Variants in SLC31A1 observed in about 807,000 individuals in gnomAD.
The protein encoded by SLC31A1 is solute carrier family 31 member 1.
Under a neutral mutation model 17.2 loss-of-function variants are expected in SLC31A1, and 5 were observed. The observed-to-expected ratio is 0.29, with a 90% CI of 0.15 to 0.61. SLC31A1 has a LOEUF of 0.61. SLC31A1 is among the 20% of genes least tolerant of loss of function. SLC31A1 has a pLI of 0.86. For synonymous variants in SLC31A1, 76 were observed against 78.8 expected (o/e 0.96, Z 0.19); for missense variants, 161 against 241.4 (o/e 0.67, Z 2.21).
In SLC31A1 at chr9:113,223,231, T is replaced by C. The variant is rs983849576; in HGVS notation, c.-36+1553T>C. ...CGAACATGCATACGCAGATTATCAC[T>C]GTAGAAACACAGCTGCTGATTCTCA... On this transcript the variant is annotated intron_variant, in intron 1 of 4. Transcript: ENST00000374212. 1.1e-4 allele frequency: 50 copies of C among 454,114 alleles called. No individual in the cohort carries two copies. In the Admixed American group the frequency reaches 1.2e-3, roughly 11 times the overall value. The allele number at this position is 454,114 out of a possible 1,614,324, so 28.1% of individuals were successfully genotyped here. A position where few individuals can be genotyped will look rare whatever the true frequency, so the allele number is the denominator to read the frequency against.
chr9:113,253,956 G>GTTTT (rs1279375325), intron 1 of SLC31A1, among the ~76,000 whole-genome samples: 3 of 86,082 alleles, frequency 3.5e-5, no homozygotes, highest in Admixed American at 1.3e-4. Context: ...CCTACCCACA[G>GTTTT]TCTTTTTTTT....
intron 1 of SLC31A1, among the ~76,000 whole-genome samples, chr9:113,252,807 G>A (rs1197115305): frequency 6.6e-6 from 1 of 152,126 alleles, no homozygotes; most frequent in Non-Finnish European, 1.5e-5. Context: ...ATGGAATGAA[G>A]TAAATCCTTT....
At chr9:113,250,229 A>G (rs71503559) in intron 1 of SLC31A1, among the ~76,000 whole-genome samples, 11,879 of 96,024 alleles carry the variant, frequency 0.12, 545 homozygotes, top group African/African-American at 0.13. Context: ...ACATGCACAC[A>G]TATGTTTATT....
intron 3 of SLC31A1, 146 bp downstream of exon 3, chr9:113,257,331 C>G (rs1831739241): frequency 2.6e-6 from 2 of 761,874 alleles, no homozygotes; most frequent in Non-Finnish European, 2.3e-6. Flanking sequence ...TATTTCCTAC[C>G]TAGAAGGTAG....
chr9:113,234,843 GT>G (rs1831438240), intron 1 of SLC31A1, among the ~76,000 whole-genome samples: 4 of 152,128 alleles, frequency 2.6e-5, no homozygotes, highest in Non-Finnish European at 5.9e-5. Context: ...TCTTCAATAT[GT>G]ATTTTTACAT....
intron 1 of SLC31A1, among the ~76,000 whole-genome samples, chr9:113,239,939 C>T (rs191025099): frequency 1.6e-4 from 25 of 152,262 alleles, no homozygotes; most frequent in Non-Finnish European, 2.8e-4. Flanking sequence ...GCCTCTCCTC[C>T]GCTCACTCAG....
chr9:113,241,631 G>T (rs1425079920), intron 1 of SLC31A1, among the ~76,000 whole-genome samples: 2 of 152,268 alleles, frequency 1.3e-5, no homozygotes, highest in Middle Eastern at 3.4e-3. Context: ...AATTTCAGGT[G>T]ATCTACATAT....
At chr9:113,229,103 C>T (rs1831374734) in intron 1 of SLC31A1, among the ~76,000 whole-genome samples, 1 of 152,196 alleles carries the variant, frequency 6.6e-6, no homozygotes, top group African/African-American at 2.4e-5. Context: ...GCCATGGCCT[C>T]CCAAAGTGCT....
intron 2 of SLC31A1, among the ~76,000 whole-genome samples, chr9:113,256,818 G>A (rs993372510): frequency 6.7e-6 from 1 of 148,876 alleles, no homozygotes; most frequent in Non-Finnish European, 1.5e-5. Flanking sequence ...CCGAGATCTC[G>A]CCACTGCATT....
At chr9:113,223,802 G>A (rs1487073387) in intron 1 of SLC31A1, among the ~76,000 whole-genome samples, 2 of 152,088 alleles carry the variant, frequency 1.3e-5, no homozygotes, top group African/African-American at 4.8e-5. Context: ...AATGATGCAT[G>A]CATTTTAAAA....
chr9:113,254,668 T>C (rs1831700654), intron 1 of SLC31A1, among the ~76,000 whole-genome samples: 3 of 151,832 alleles, frequency 2.0e-5, no homozygotes, highest in Admixed American at 6.6e-5. Context: ...GGAGGCCGAG[T>C]TGGACAGATC....
chr9:113,258,716 A>G lies in SLC31A1; in HGVS notation c.225A>G (p.Ala75=). The G allele has an allele frequency of 1.2e-6, 2 of 1,614,216 alleles. No homozygotes were observed. The highest frequency in any genetic ancestry group is 1.7e-6 in the Non-Finnish European group (2 of 1,180,036). Residue 75 remains alanine (A), a synonymous_variant, in exon 4 of 5, where the codon GCA becomes GCG. Transcript: ENST00000374212. The surrounding 1 kb of genome is among the most constrained non-coding windows in gnomAD (Gnocchi z 4.8). ...TAGAAATGGCTGGAGCTTTTGTGGC[A>G]GTGTTTTTACTAGCAATGTTCTATG... The part of the protein sequence containing the change: ...TAGEMAGAFV[A]VFLLAMFYEG...
chr9:113,250,623 A>G (rs571425937), intron 1 of SLC31A1, among the ~76,000 whole-genome samples: 8 of 151,390 alleles, frequency 5.3e-5, no homozygotes, highest in Admixed American at 3.3e-4. Flanking sequence ...GCACATGTAT[A>G]CATATGTAAC....
chr9:113,259,516 T>A (rs1362824813), intron 4 of SLC31A1, among the ~76,000 whole-genome samples: 2 of 152,092 alleles, frequency 1.3e-5, no homozygotes, highest in Non-Finnish European at 2.9e-5. Flanking sequence ...GGTCTCCTTA[T>A]CCCTAATTAA....
At chr9:113,239,511 T>C (rs1249069106) in intron 1 of SLC31A1, among the ~76,000 whole-genome samples, 1 of 152,230 alleles carries the variant, frequency 6.6e-6, no homozygotes, top group African/African-American at 2.4e-5. Context: ...GCAGGAAACA[T>C]GAGTGCCTGC....
intron 1 of SLC31A1, among the ~76,000 whole-genome samples, chr9:113,235,595 A>G (rs368004469): frequency 3.0e-4 from 45 of 152,316 alleles, no homozygotes; most frequent in African/African-American, 9.9e-4. Flanking sequence ...TTTCAAAATC[A>G]CAGAAGACTG....
chr9:113,224,931 A>G (rs1479582592), intron 1 of SLC31A1, among the ~76,000 whole-genome samples: 2 of 152,236 alleles, frequency 1.3e-5, no homozygotes, highest in Non-Finnish European at 2.9e-5. Context: ...ATCCATTTCT[A>G]GGTTTCTTGT....
At chr9:113,229,761 GA>G (rs1564204052) in intron 1 of SLC31A1, among the ~76,000 whole-genome samples, 4 of 152,244 alleles carry the variant, frequency 2.6e-5, no homozygotes, top group South Asian at 2.1e-4. Context: ...TAGTGGAAAA[GA>G]AAAAGTATCA....
chr9:113,261,269 A>G lies in SLC31A1; in HGVS notation c.*796A>G, dbSNP rs554007345. ...AAGAGTGAAACTCCATCTCAAAAAA[A>G]AAGAAAAGAAGGTCCAGCTTTTGGA... On this transcript the variant is annotated 3_prime_UTR_variant, in exon 5 of 5. Transcript: ENST00000374212. 1 of 152,768 alleles carries G rather than the reference A, an allele frequency of 6.5e-6. No individual in the cohort carries two copies. Among genetic ancestry groups the G allele is most frequent in the Non-Finnish European group, 1.5e-5 (1 of 68,430 alleles). The allele number at this position is 152,768 out of a possible 1,614,324, so 9.5% of individuals were successfully genotyped here.
Sources: gnomAD v4.1 joint callset for allele counts (sites outside exome capture counted in the v4.1 genomes callset) on GRCh38, gnomAD v4.1.1 for gene constraint, Gnocchi (gnomAD v3.1) non-coding constraint, MANE v1.5 for transcripts, NCBI Gene and HGNC (gene_info 2026-07-23, HGNC 2026-07-21) for gene names.